Variants in ZDHHC6 observed in about 807,000 individuals in gnomAD.
The protein encoded by ZDHHC6 is zDHHC palmitoyltransferase 6, also known as palmitoyltransferase ZDHHC6.
A neutral mutation model predicts 57.8 loss-of-function variants in ZDHHC6; 32 were observed. That is an observed-to-expected ratio of 0.55 (90% CI 0.42 to 0.74). The LOEUF (loss-of-function observed/expected upper bound fraction) is 0.74, where lower values mean the gene tolerates loss of function less well. Among genes scored for constraint, ZDHHC6 ranks in the 30% least tolerant of loss-of-function variants. The pLI is 0.00. For synonymous variants in ZDHHC6, 128 were observed against 158.0 expected (o/e 0.81, Z 1.42); for missense variants, 433 against 500.7 (o/e 0.86, Z 1.29).
downstream of ZDHHC6, chr10:112,427,255 T>A: frequency 6.2e-7 from 1 of 1,613,572 alleles, no homozygotes; most frequent in South Asian, 1.1e-5. Context: ...CCATTTTCCA[T>A]TGAAAATGGG....
chr10:112,442,461 C>T (rs11195961), intron 3 of ZDHHC6, 110 bp from the exon 4 acceptor site: 592,746 of 1,031,808 alleles, frequency 0.57, 173,712 homozygotes, highest in Admixed American at 0.61. Context: ...CCATGAGCTA[C>T]GAGAGAATTA....
downstream of ZDHHC6, chr10:112,427,911 C>T (rs1286188246): frequency 6.5e-6 from 1 of 152,882 alleles, no homozygotes; most frequent in Non-Finnish European, 1.5e-5. Context: ...GTCTCCGATG[C>T]TCTTCTGCGT....
chr10:112,446,653 G>C (rs918160891), intron 1 of ZDHHC6, 52 bp downstream of exon 1: 1 of 152,722 alleles, frequency 6.5e-6, no homozygotes, highest in Non-Finnish European at 1.5e-5. Context: ...TCCCACTCTG[G>C]TGGGACAAAG....
chr10:112,447,229 C>G, upstream of ZDHHC6: 1 of 735,446 alleles, frequency 1.4e-6, no homozygotes, highest in African/African-American at 1.8e-5. Context: ...AACCAGGAAG[C>G]GGCTGGGTTG....
chr10:112,424,881 T>A (rs112466321), exon 12 of ZDHHC6: 1 of 153,154 alleles, frequency 6.5e-6, no homozygotes, highest in African/African-American at 2.4e-5. Flanking sequence ...GTGGAGCTGT[T>A]TGAGCCTGCT....
chr10:112,438,202 T>A, intron 6 of ZDHHC6, 134 bp downstream of exon 6: 1 of 565,058 alleles, frequency 1.8e-6, no homozygotes, highest in East Asian at 4.5e-5. Flanking sequence ...GGTAGCCATT[T>A]GGCAGCCATG....
At chr10:112,426,144 A>C (rs1354679678), downstream of ZDHHC6, 9 of 791,726 alleles carry the variant, frequency 1.1e-5, no homozygotes, top group Admixed American at 2.2e-4. Flanking sequence ...TACTGGATTT[A>C]AGGTTTTGGG....
At chr10:112,426,485 C>T, downstream of ZDHHC6, 1 of 744,662 alleles carries the variant, frequency 1.3e-6, no homozygotes, top group African/African-American at 1.8e-5. Context: ...TTTTATGGGA[C>T]TCGGGGATAG....
chr10:112,440,626 G>C lies in ZDHHC6; in HGVS notation c.589C>G (p.Pro197Ala). 1 of 1,613,974 alleles carries C rather than the reference G, an allele frequency of 6.2e-7. No homozygotes were observed. Among genetic ancestry groups the C allele is most frequent in the African/African-American group, 1.3e-5 (1 of 74,992 alleles). The change falls in exon 5 of 11, where the codon CCA (proline) becomes GCA (alanine). Residue 197 changes from proline (P) to alanine (A), a missense_variant. Transcript: ENST00000369405. ...AARRDPLPIV[P>A]FGLAAFATTL... is the part of the protein sequence containing the mutation. ...GTAGCAAATGCAGCTAATCCAAATGGAACAATTGGAAGAGGATCTCTCCGG... is the reference window on the plus strand; with the variant it reads ...GTAGCAAATGCAGCTAATCCAAATGCAACAATTGGAAGAGGATCTCTCCGG...
At chr10:112,443,802 A>C (rs768828470) in intron 2 of ZDHHC6, among the ~76,000 whole-genome samples, 196 bp from the exon 3 acceptor site, 2 of 152,180 alleles carry the variant, frequency 1.3e-5, no homozygotes, top group Non-Finnish European at 2.9e-5. Context: ...AATTACCCAG[A>C]AGTCCTTTTA....
rs568620463 is a variant in ZDHHC6 at position 112,439,320 on chromosome 10, T to A, written c.682-931A>T. On this transcript the variant is annotated intron_variant, in intron 5 of 10. Transcript: ENST00000369405. ...TCAATGAATGAATGAATGAATTACG[T>A]GAATGCAATAAGTCATAAGAATGGT... Among the ~76,000 whole-genome samples, 6 of 152,174 alleles carry A rather than the reference T, an allele frequency of 3.9e-5. No homozygotes were observed. The South Asian group carries it at 1.2e-3, about 32-fold the overall frequency.
chr10:112,441,202 A>G (rs1279134196), intron 4 of ZDHHC6, among the ~76,000 whole-genome samples: 2 of 152,216 alleles, frequency 1.3e-5, no homozygotes, highest in Non-Finnish European at 2.9e-5. Flanking sequence ...TATCATTCTT[A>G]GTTTTCTCAA....
At chr10:112,439,499 C>G (rs1408760488) in intron 5 of ZDHHC6, among the ~76,000 whole-genome samples, 1 of 151,468 alleles carries the variant, frequency 6.6e-6, no homozygotes, top group Non-Finnish European at 1.5e-5. Flanking sequence ...GGTGTGGTGG[C>G]AGGTACCTGT....
At chr10:112,429,964 G>T (rs1224459827), downstream of ZDHHC6, among the ~76,000 whole-genome samples, 1 of 90,122 alleles carries the variant, frequency 1.1e-5, no homozygotes, top group Non-Finnish European at 2.6e-5. Flanking sequence ...CCAAGCAGTT[G>T]TTGGGGGGGG....
intron 6 of ZDHHC6, among the ~76,000 whole-genome samples, chr10:112,437,034 G>C (rs1307240506): frequency 1.3e-5 from 2 of 152,034 alleles, no homozygotes; most frequent in Non-Finnish European, 2.9e-5. Flanking sequence ...TTCAGGACTT[G>C]GTGAACATTT....
At chr10:112,425,459 T>G, downstream of ZDHHC6, 1 of 1,613,004 alleles carries the variant, frequency 6.2e-7, no homozygotes, top group Non-Finnish European at 8.5e-7. Context: ...TTACAAATTT[T>G]TGTACACGGG....
Position 112,431,533 on chromosome 10 carries a change from TGA to T in ZDHHC6, c.1139-628_1139-627del, listed in dbSNP as rs532257833. On this transcript the variant is annotated intron_variant, in intron 10 of 10. Coordinates refer to ENST00000369405, the MANE Select transcript of ZDHHC6 (RefSeq NM_022494.3). ...TTCACCATGTTGGCCAGGCTGATCTTGAACTCCTGACCTCAGGTGATCCATCT... is the reference window on the plus strand; with the variant it reads ...TTCACCATGTTGGCCAGGCTGATCTTACTCCTGACCTCAGGTGATCCATCT... Among the ~76,000 whole-genome samples the T allele has an allele frequency of 1.3e-3, 202 of 152,154 alleles. 2 individuals are homozygous for T. The highest frequency in any genetic ancestry group is 6.8e-3 in the Middle Eastern group (2 of 294).
chr10:112,434,522 T>A, intron 6 of ZDHHC6, 58 bp from the exon 7 acceptor site: 1 of 1,494,542 alleles, frequency 6.7e-7, no homozygotes, highest in Non-Finnish European at 9.0e-7. Context: ...CCTGCAGTAA[T>A]ATGTTATTGA....
upstream of ZDHHC6, chr10:112,447,413 G>A (rs1213203488): frequency 6.2e-7 from 1 of 1,613,742 alleles, no homozygotes; most frequent in Non-Finnish European, 8.5e-7. Flanking sequence ...GGACTTCGCG[G>A]TGCTCACTGC....
Sources: allele counts gnomAD v4.1 joint callset (sites outside exome capture counted in the v4.1 genomes callset), GRCh38; gene constraint gnomAD v4.1.1; transcripts MANE v1.5; gene names NCBI Gene and HGNC (gene_info 2026-07-23, HGNC 2026-07-21).